The following HEBP2 variants were observed in gnomAD, a reference collection of about 807,000 sequenced individuals.
HEBP2 encodes the protein heme binding protein 2.
In HEBP2, 27 loss-of-function variants were observed where a neutral mutation model predicts 23.1. The observed-to-expected ratio is 1.17, with a 90% CI of 0.86 to 1.61. The LOEUF (loss-of-function observed/expected upper bound fraction) is 1.61. Ranked by LOEUF, HEBP2 falls within the 40% of genes most tolerant of loss-of-function variation. The pLI, the probability that HEBP2 is intolerant of heterozygous loss-of-function variation, is 0.00. For synonymous variants in HEBP2, 99 were observed against 95.1 expected (o/e 1.04, Z -0.24); for missense variants, 245 against 253.8 (o/e 0.97, Z 0.24).
Position 138,419,117 on chromosome 6 carries a change from T to C in HEBP2, c.*6039T>C, listed in dbSNP as rs1774880705. ...CTATTAGCTTTTGCCAGTGCCCACCTCAGTGCTGGTAAAATGCACACATAA... is the reference window on the plus strand; with the variant it reads ...CTATTAGCTTTTGCCAGTGCCCACCCCAGTGCTGGTAAAATGCACACATAA... On this transcript the variant is annotated 3_prime_UTR_variant, in exon 4 of 4. Transcript: ENST00000607197. 6.6e-6 allele frequency: 1 copy of C among 152,002 alleles called. No homozygotes were observed. The highest frequency in any genetic ancestry group is 1.5e-5 in the Non-Finnish European group (1 of 68,032). The allele number at this position is 152,002 out of a possible 1,614,324, so 9.4% of individuals were successfully genotyped here. A position where few individuals can be genotyped will look rare whatever the true frequency, so the allele number is the denominator to read the frequency against.
chr6:138,406,233 A>G (rs894792236), intron 3 of HEBP2, 82 bp downstream of exon 3: 26 of 1,283,704 alleles, frequency 2.0e-5, no homozygotes, highest in Middle Eastern at 1.9e-4. Context: ...TGCAATTTCA[A>G]AAGGCTTTTT....
At position 138,412,967 on chromosome 6, in the gene HEBP2, C is replaced by T. The variant is rs759911082; in HGVS notation, c.507C>T (p.Phe169=). The change falls in exon 4 of 4, where the codon TTC becomes TTT. Residue 169 remains phenylalanine, a synonymous_variant. Coordinates refer to ENST00000607197, the MANE Select transcript of HEBP2 (RefSeq NM_014320.3). ...TTTTAAGGGAAGATGGAAAAGTTTT[C>T]GATGAGAAGGTTTACTACACTGCAG... is the stretch of plus-strand genomic sequence containing the variant. ...ASILREDGKV[F]DEKVYYTAGY... 8.7e-6 allele frequency: 14 copies of T among 1,613,850 alleles called. No individual in the cohort carries two copies. In the Middle Eastern group the frequency reaches 8.2e-4, roughly 95 times the overall value.
intron 1 of HEBP2, 40 bp downstream of exon 1, chr6:138,404,637 TC>T: frequency 8.2e-7 from 1 of 1,221,330 alleles, no homozygotes; most frequent in South Asian, 2.9e-5. Flanking sequence ...GGGCCCGCCT[TC>T]CGGCTGATTT....
intron 2 of HEBP2, 147 bp from the exon 3 acceptor site, chr6:138,405,824 G>A: frequency 1.5e-6 from 1 of 653,430 alleles, no homozygotes; most frequent in Non-Finnish European, 2.5e-6. Flanking sequence ...AGTAATTTTG[G>A]CCTTACTGTT....
At chr6:138,411,185 C>T (rs1266725351) in intron 3 of HEBP2, among the ~76,000 whole-genome samples, 2 of 152,208 alleles carry the variant, frequency 1.3e-5, no homozygotes, top group Admixed American at 6.5e-5. Flanking sequence ...TAGGTCAGTG[C>T]TGTCATGATT....
Position 138,419,089 on chromosome 6 carries a change from G to A in HEBP2, c.*6011G>A, listed in dbSNP as rs1774880311. 6.6e-6 allele frequency: 1 copy of A among 152,088 alleles called. No individual in the cohort carries two copies. Among genetic ancestry groups the A allele is most frequent in the Non-Finnish European group, 1.5e-5 (1 of 68,040 alleles). 9.4% of individuals were successfully genotyped at this position (152,088 alleles called of 1,614,324 possible). On this transcript the variant is annotated 3_prime_UTR_variant, in exon 4 of 4. Transcript: ENST00000607197. ...CCAAGTAGATGAAATGACTTAGCCT[G>A]TTCTATTAGCTTTTGCCAGTGCCCA...
upstream of HEBP2, chr6:138,403,586 C>A: frequency 2.2e-6 from 1 of 459,712 alleles, no homozygotes. Flanking sequence ...TGGGGGGCGC[C>A]GGAGCCGTGC....
At chr6:138,409,131 A>T (rs1037886036) in intron 3 of HEBP2, among the ~76,000 whole-genome samples, 1 of 151,548 alleles carries the variant, frequency 6.6e-6, no homozygotes, top group Non-Finnish European at 1.5e-5. Context: ...GGCTCAAGGG[A>T]TCCTCCCACT....
At position 138,413,545 on chromosome 6, in the gene HEBP2, T is replaced by C. The variant is rs1006027304; in HGVS notation, c.*467T>C. The C allele has an allele frequency of 1.2e-5, 2 of 162,288 alleles. No homozygotes were observed. The highest frequency in any genetic ancestry group is 4.8e-5 in the African/African-American group (2 of 41,508). 10.1% of individuals were successfully genotyped at this position (162,288 alleles called of 1,614,324 possible). A position where few individuals can be genotyped will look rare whatever the true frequency, so the allele number is the denominator to read the frequency against. ...TCTTTTGTGGCTGCCACCATTACATTCTCTGTTGTATGTATTACTTTCCCT... is the reference window on the plus strand; with the variant it reads ...TCTTTTGTGGCTGCCACCATTACATCCTCTGTTGTATGTATTACTTTCCCT... On this transcript the variant is annotated 3_prime_UTR_variant, in exon 4 of 4. Transcript: ENST00000607197.
Position 138,412,953 on chromosome 6 carries a change from G to T in HEBP2, c.493G>T (p.Asp165Tyr). The T allele has an allele frequency of 6.2e-7, 1 of 1,614,156 alleles. No homozygotes were observed. Among genetic ancestry groups the T allele is most frequent in the Non-Finnish European group, 8.5e-7 (1 of 1,180,018 alleles). Residue 165 changes from aspartate to tyrosine, a missense_variant, in exon 4 of 4, where the codon GAT becomes TAT. Transcript: ENST00000607197. ...LLTLASILREDGKVFDEKVYY... is the reference protein window; with the variant it reads ...LLTLASILREYGKVFDEKVYY... ...GACATTAGCAAGCATTTTAAGGGAA[G>T]ATGGAAAAGTTTTCGATGAGAAGGT...
chr6:138,405,652 A>G (rs181422707), intron 2 of HEBP2, among the ~76,000 whole-genome samples: 2 of 152,228 alleles, frequency 1.3e-5, no homozygotes, highest in Non-Finnish European at 2.9e-5. Flanking sequence ...ATATTTTAGC[A>G]GGTCTCTTAG....
chr6:138,412,380 C>A lies in HEBP2; in HGVS notation c.420-500C>A, dbSNP rs1214883492. The A allele has an allele frequency of 1.5e-4, 34 of 223,474 alleles. No homozygotes were observed. In the South Asian group the frequency reaches 1.7e-3, roughly 11 times the overall value. 13.8% of individuals were successfully genotyped at this position (223,474 alleles called of 1,614,324 possible). A position where few individuals can be genotyped will look rare whatever the true frequency, so the allele number is the denominator to read the frequency against. On this transcript the variant is annotated intron_variant, in intron 3 of 3. Coordinates refer to ENST00000607197, the MANE Select transcript of HEBP2 (RefSeq NM_014320.3). ...TGCATCCTCCTGGGTTTCCTCAGTGCTTCTGAGGTCACATGGAGACTGGGA... is the reference window on the plus strand; with the variant it reads ...TGCATCCTCCTGGGTTTCCTCAGTGATTCTGAGGTCACATGGAGACTGGGA...
rs1774863063 is a variant in HEBP2 at position 138,417,747 on chromosome 6, C to A, written c.*4669C>A. ...AGATCTGCAGTGGGTCCCCTGGAGT[C>A]CTTGGTTGAGTGAAGGTGTTAGAAG... On this transcript the variant is annotated 3_prime_UTR_variant, in exon 4 of 4. Transcript: ENST00000607197. 1 of 152,182 alleles carries A rather than the reference C, an allele frequency of 6.6e-6. No individual in the cohort carries two copies. Among genetic ancestry groups the A allele is most frequent in the African/African-American group, 2.4e-5 (1 of 41,386 alleles). The allele number at this position is 152,182 out of a possible 1,614,324, so 9.4% of individuals were successfully genotyped here. A position where few individuals can be genotyped will look rare whatever the true frequency, so the allele number is the denominator to read the frequency against.
rs1023046218 is a variant in HEBP2 at position 138,415,131 on chromosome 6, G to C, written c.*2053G>C. On this transcript the variant is annotated 3_prime_UTR_variant, in exon 4 of 4. Coordinates refer to ENST00000607197, the MANE Select transcript of HEBP2 (RefSeq NM_014320.3). ...TCTCTGCTCTGGAGCTTTTTGGTGG[G>C]CTGCTAGAGACTTTGTTAGATCCTA... The C allele has an allele frequency of 1.3e-5, 2 of 152,172 alleles. No homozygotes were observed. Among genetic ancestry groups the C allele is most frequent in the Non-Finnish European group, 2.9e-5 (2 of 68,036 alleles). 9.4% of individuals were successfully genotyped at this position (152,172 alleles called of 1,614,324 possible).
At chr6:138,410,240 G>A (rs190132639) in intron 3 of HEBP2, among the ~76,000 whole-genome samples, 1 of 152,196 alleles carries the variant, frequency 6.6e-6, no homozygotes, top group East Asian at 1.9e-4. Flanking sequence ...AGGCAGGCAC[G>A]TGGGGGTGAG....
rs1774836667 is a variant in HEBP2, at chr6:138,416,036, G to A, written c.*2958G>A. ...AGTCACAACATAACTGATTGCGGCT[G>A]AGGGGTCTGATGAGGGAGAAATGGG... On this transcript the variant is annotated 3_prime_UTR_variant, in exon 4 of 4. Transcript: ENST00000607197. 6.6e-6 allele frequency: 1 copy of A among 152,352 alleles called. No homozygotes were observed. Among genetic ancestry groups the A allele is most frequent in the African/African-American group, 2.4e-5 (1 of 41,448 alleles). The allele number at this position is 152,352 out of a possible 1,614,324, so 9.4% of individuals were successfully genotyped here. A position where few individuals can be genotyped will look rare whatever the true frequency, so the allele number is the denominator to read the frequency against.
Position 138,404,513 on chromosome 6 carries a change from G to A in HEBP2, c.18G>A (p.Gln6=). MAEPL[Q]PDPGAAEDAA... ...CGCCGCCCATGGCCGAGCCGCTCCA[G>A]CCAGACCCCGGGGCGGCCGAGGACG... Residue 6 remains glutamine (Q), a synonymous_variant, in exon 1 of 4, where the codon CAG becomes CAA. Coordinates refer to ENST00000607197, the MANE Select transcript of HEBP2 (RefSeq NM_014320.3). The A allele has an allele frequency of 7.6e-7, 1 of 1,313,334 alleles. No individual in the cohort carries two copies. The highest frequency in any genetic ancestry group is 1.5e-5 in the African/African-American group (1 of 65,250). 81.4% of individuals were successfully genotyped at this position (1,313,334 alleles called of 1,614,324 possible).
rs1774819814 is a variant in HEBP2 at position 138,415,064 on chromosome 6, T to C, written c.*1986T>C. ...CCTGTCTCAGAAAGAAAAAAAAAAG[T>C]CCTAGTCATTTCTACCAACTCGAAA... On this transcript the variant is annotated 3_prime_UTR_variant, in exon 4 of 4. Transcript: ENST00000607197. The C allele has an allele frequency of 6.6e-6, 1 of 151,860 alleles. No individual in the cohort carries two copies. Among genetic ancestry groups the C allele is most frequent in the South Asian group, 2.1e-4 (1 of 4,798 alleles). 9.4% of individuals were successfully genotyped at this position (151,860 alleles called of 1,614,324 possible).
rs1195963668 is a variant in HEBP2 at position 138,413,215 on chromosome 6, C to T, written c.*137C>T. 1 of 670,888 alleles carries T rather than the reference C, an allele frequency of 1.5e-6. No individual in the cohort carries two copies. Among genetic ancestry groups the T allele is most frequent in the Non-Finnish European group, 2.5e-6 (1 of 393,280 alleles). The allele number at this position is 670,888 out of a possible 1,614,324, so 41.6% of individuals were successfully genotyped here. ...ATTAATTAAGCTTATTTCCAATGTG[C>T]CTTTTTAATGCTTGAAGTTTTATCT... On this transcript the variant is annotated 3_prime_UTR_variant, in exon 4 of 4. Transcript: ENST00000607197.
Sources: allele counts gnomAD v4.1 joint callset (sites outside exome capture counted in the v4.1 genomes callset), GRCh38; gene constraint gnomAD v4.1.1; transcripts MANE v1.5; gene names NCBI Gene and HGNC (gene_info 2026-07-23, HGNC 2026-07-21).